The following AKR1C3 variants were observed in gnomAD, a reference collection of about 807,000 sequenced individuals.
AKR1C3 encodes the protein aldo-keto reductase family 1 member C3, also known as 3-alpha hydroxysteroid dehydrogenase, type II.
In AKR1C3, 48 loss-of-function variants were observed where a neutral mutation model predicts 43.6. That is an observed-to-expected ratio of 1.10 (90% CI 0.87 to 1.40). The LOEUF is 1.40. AKR1C3 is among the 40% of genes most tolerant of loss of function. AKR1C3 has a pLI of 0.00. For synonymous variants in AKR1C3, 162 were observed against 139.6 expected, an observed-to-expected ratio of 1.16 and a Z score of -1.13; for missense variants, 482 against 391.2, an observed-to-expected ratio of 1.23 and a Z score of -1.96.
At chr10:5,049,056 C>T (rs1166353760) in intron 1 of AKR1C3, among the ~76,000 whole-genome samples, 2 of 152,174 alleles carry the variant, frequency 1.3e-5, no homozygotes, top group Admixed American at 6.5e-5. Flanking sequence ...GAGAAAAAGT[C>T]AACCTTTGTT....
At chr10:5,084,195 G>A (rs1838906032) in intron 1 of AKR1C3, among the ~76,000 whole-genome samples, 2 of 152,100 alleles carry the variant, frequency 1.3e-5, no homozygotes, top group African/African-American at 2.4e-5. Flanking sequence ...TTCTTCTAGG[G>A]TTTTTATGGC....
chr10:5,090,592 C>T (rs1298479227), upstream of AKR1C3, among the ~76,000 whole-genome samples: 2 of 152,158 alleles, frequency 1.3e-5, no homozygotes, highest in Non-Finnish European at 2.9e-5. Flanking sequence ...GGTAATGCTG[C>T]TTCTTCATGG....
In AKR1C3 at chr10:5,094,478, G is replaced by C. The variant is rs782394641; in HGVS notation, c.34G>C (p.Asp12His). 16 of 1,612,638 alleles carry C rather than the reference G, an allele frequency of 9.9e-6. No individual in the cohort carries two copies. The South Asian group carries it at 1.4e-4, about 14-fold the overall frequency. The change falls in exon 1 of 9, where the codon GAT becomes CAT. Residue 12 changes from aspartate to histidine, a missense_variant. Asp to His is a moderately conservative substitution (Grantham distance 81). Transcript: ENST00000380554. ...DSKHQCVKLN[D>H]GHFMPVLGFG... Reference sequence around the variant, plus strand: ...CAAACACCAGTGTGTAAAGCTAAATGATGGCCACTTCATGCCTGTATTGGG... The same window carrying C: ...CAAACACCAGTGTGTAAAGCTAAATCATGGCCACTTCATGCCTGTATTGGG...
rs782557661 is a variant in AKR1C3 at position 5,097,579 on chromosome 10, C to T, written c.369+29C>T. ...TGCAGTTTGTATGAGCATAAAATTG[C>T]GCTTCTGCTGTCATTATAAACATTG... On this transcript the variant is annotated intron_variant, in intron 3 of 8. Coordinates refer to ENST00000380554, the MANE Select transcript of AKR1C3 (RefSeq NM_003739.6). The T allele has an allele frequency of 7.1e-5, 114 of 1,612,124 alleles. No homozygotes were observed. The South Asian group carries it at 7.5e-4, about 11-fold the overall frequency.
At chr10:5,063,270 A>G (rs1838419586) in intron 1 of AKR1C3, among the ~76,000 whole-genome samples, 1 of 152,202 alleles carries the variant, frequency 6.6e-6, no homozygotes, top group African/African-American at 2.4e-5. Context: ...GGGGAAAGGG[A>G]GAGTTTTTAT....
intron 1 of AKR1C3, chr10:5,096,167 C>A: frequency 2.6e-6 from 1 of 384,228 alleles, no homozygotes; most frequent in African/African-American, 2.1e-5. Context: ...ATCACTGAAT[C>A]TGAGGGTGTT....
At chr10:5,060,279 T>A (rs1838354396) in intron 1 of AKR1C3, among the ~76,000 whole-genome samples, 1 of 152,154 alleles carries the variant, frequency 6.6e-6, no homozygotes, top group South Asian at 2.1e-4. Flanking sequence ...CCAGCCTGCT[T>A]TTATTCTCTT....
intron 1 of AKR1C3, among the ~76,000 whole-genome samples, chr10:5,069,803 G>A (rs1235090022): frequency 6.6e-6 from 1 of 152,078 alleles, no homozygotes; most frequent in Non-Finnish European, 1.5e-5. Context: ...AAACCCAGGA[G>A]GCAGAGGTTG....
chr10:5,058,601 C>T (rs1338532426), intron 1 of AKR1C3, among the ~76,000 whole-genome samples: 4 of 152,180 alleles, frequency 2.6e-5, no homozygotes, highest in Non-Finnish European at 5.9e-5. Context: ...CTGGACCCTG[C>T]TGATCAGAAT....
intron 1 of AKR1C3, among the ~76,000 whole-genome samples, chr10:5,057,398 T>G (rs1384099506): frequency 1.3e-5 from 2 of 152,116 alleles, no homozygotes; most frequent in African/African-American, 4.8e-5. Flanking sequence ...AGTTGCCAGG[T>G]TTAATAATGC....
chr10:5,058,080 G>A (rs1838301775), intron 1 of AKR1C3, among the ~76,000 whole-genome samples: 1 of 152,096 alleles, frequency 6.6e-6, no homozygotes, highest in South Asian at 2.1e-4. Context: ...AATAGCCCGG[G>A]GGGTTTTGTG....
At chr10:5,078,072 A>G (rs1182546602) in intron 1 of AKR1C3, 10 of 620,142 alleles carry the variant, frequency 1.6e-5, no homozygotes, top group Admixed American at 9.1e-5. Flanking sequence ...ACAAAAACAG[A>G]AAGCTATAAA....
intron 7 of AKR1C3, among the ~76,000 whole-genome samples, chr10:5,103,413 GTTAA>G (rs1380625615): frequency 4.1e-4 from 63 of 152,044 alleles, no homozygotes; most frequent in African/African-American, 1.4e-3. Flanking sequence ...AAATAGAGCT[GTTAA>G]ACAAATCACC....
At chr10:5,052,438 C>T (rs1193039470) in intron 1 of AKR1C3, among the ~76,000 whole-genome samples, 1 of 152,190 alleles carries the variant, frequency 6.6e-6, no homozygotes, top group African/African-American at 2.4e-5. Context: ...GCCCCACCCA[C>T]ATCCTGCTGA....
intron 1 of AKR1C3, among the ~76,000 whole-genome samples, chr10:5,057,337 A>G (rs4121281): frequency 1 from 151,786 of 152,308 alleles, 75,635 homozygotes; most frequent in Middle Eastern, 1. Context: ...TTCTCTGATC[A>G]TGCTTTTCCT....
At chr10:5,092,867 C>A (rs567025882), upstream of AKR1C3, among the ~76,000 whole-genome samples, 1 of 152,058 alleles carries the variant, frequency 6.6e-6, no homozygotes, top group African/African-American at 2.4e-5. Context: ...TCTTTATATA[C>A]CTTATTATTT....
chr10:5,097,550 G>GGTATGCAGTTT lies in AKR1C3; in HGVS notation c.369+6_369+16dup, dbSNP rs1839238890. ...TTATTCATTCTCCAATGTCTCTAAA[G>GGTATGCAGTTT]GTATGCAGTTTGTATGAGCATAAAA... On this transcript the variant is annotated frameshift_variant and splice_region_variant. Transcript: ENST00000380554. LOFTEE classifies it high-confidence loss of function. 9.9e-6 allele frequency: 16 copies of GGTATGCAGTTT among 1,613,370 alleles called. No homozygotes were observed. Among genetic ancestry groups the GGTATGCAGTTT allele is most frequent in the Non-Finnish European group, 1.4e-5 (16 of 1,179,468 alleles).
At chr10:5,083,393 A>C (rs1383983506) in intron 1 of AKR1C3, among the ~76,000 whole-genome samples, 3 of 151,928 alleles carry the variant, frequency 2.0e-5, no homozygotes, top group Non-Finnish European at 4.4e-5. Context: ...CATGTCCCTA[A>C]AAAGGGCATG....
intron 7 of AKR1C3, among the ~76,000 whole-genome samples, chr10:5,104,852 T>C (rs9888062): frequency 0.26 from 39,611 of 152,048 alleles, 5,390 homozygotes; most frequent in Middle Eastern, 0.37. Context: ...CCTTTTTGTT[T>C]TGTGGATTTT....
Sources: allele counts gnomAD v4.1 joint callset (sites outside exome capture counted in the v4.1 genomes callset), GRCh38; gene constraint gnomAD v4.1.1; transcripts MANE v1.5; gene names NCBI Gene and HGNC (gene_info 2026-07-23, HGNC 2026-07-21).